Variants in KIAA0232 observed in about 807,000 individuals in gnomAD.
KIAA0232 encodes uncharacterized protein KIAA0232.
Under a neutral mutation model 122.0 loss-of-function variants are expected in KIAA0232, and 27 were observed. The ratio of observed to expected loss-of-function variants is 0.22; its 90% confidence interval spans 0.16 to 0.31. The LOEUF (loss-of-function observed/expected upper bound fraction) is 0.31. Among genes scored for constraint, KIAA0232 ranks in the 10% least tolerant of loss-of-function variants. The pLI, the probability that KIAA0232 is intolerant of heterozygous loss-of-function variation, is 1.00. For synonymous variants in KIAA0232, 613 were observed against 587.6 expected (o/e 1.04, Z -0.63); for missense variants, 1,551 against 1,634.2 (o/e 0.95, Z 0.88).
intron 1 of KIAA0232, among the ~76,000 whole-genome samples, chr4:6,797,686 A>C (rs1161430337): frequency 2.0e-5 from 3 of 150,242 alleles, no homozygotes; most frequent in Non-Finnish European, 4.4e-5. Context: ...GGATTGCTTG[A>C]GCCCAGGAAT....
chr4:6,790,392 C>CTTTTT (rs10532360), intron 1 of KIAA0232, among the ~76,000 whole-genome samples: 4 of 109,372 alleles, frequency 3.7e-5, no homozygotes, highest in Non-Finnish European at 5.8e-5. Flanking sequence ...TAAAAAAGGT[C>CTTTTT]TTTTTTTTTT....
intron 1 of KIAA0232, among the ~76,000 whole-genome samples, chr4:6,792,216 T>C (rs1282219580): frequency 6.6e-6 from 1 of 152,212 alleles, no homozygotes; most frequent in African/African-American, 2.4e-5. Context: ...ACCATGTTCT[T>C]TTTTTAATAT....
chr4:6,832,510 G>A (rs1341440843), intron 3 of KIAA0232, among the ~76,000 whole-genome samples: 1 of 151,838 alleles, frequency 6.6e-6, no homozygotes, highest in Non-Finnish European at 1.5e-5. Flanking sequence ...CACCACACCT[G>A]GCTAATTTTT....
intron 1 of KIAA0232, among the ~76,000 whole-genome samples, chr4:6,785,562 G>C (rs1403207260): frequency 6.6e-6 from 1 of 152,208 alleles, no homozygotes; most frequent in Non-Finnish European, 1.5e-5. Flanking sequence ...CTCGCCTAGT[G>C]TAAGTGTTAA....
At chr4:6,803,837 CAT>C (rs1717494160) in intron 1 of KIAA0232, among the ~76,000 whole-genome samples, 1 of 152,088 alleles carries the variant, frequency 6.6e-6, no homozygotes, top group South Asian at 2.1e-4. Flanking sequence ...TACCTTGTAA[CAT>C]AGTATTTGTG....
intron 7 of KIAA0232, among the ~76,000 whole-genome samples, chr4:6,867,489 T>C (rs1302309921): frequency 6.6e-6 from 1 of 152,234 alleles, no homozygotes; most frequent in African/African-American, 2.4e-5. Flanking sequence ...CCTTGGTATC[T>C]GGACATACAT....
chr4:6,816,048 A>C (rs1718107356), intron 2 of KIAA0232, among the ~76,000 whole-genome samples: 2 of 152,206 alleles, frequency 1.3e-5, no homozygotes, highest in Non-Finnish European at 2.9e-5. Flanking sequence ...CAGTCTTTAC[A>C]GTGAATCCAA....
chr4:6,824,832 C>T lies in KIAA0232; in HGVS notation c.231+148C>T, dbSNP rs547441797. 4.8e-5 allele frequency: 33 copies of T among 686,180 alleles called. No individual in the cohort carries two copies. In the African/African-American group the frequency reaches 5.9e-4, roughly 12 times the overall value. The allele number at this position is 686,180 out of a possible 1,614,324, so 42.5% of individuals were successfully genotyped here. A position where few individuals can be genotyped will look rare whatever the true frequency, so the allele number is the denominator to read the frequency against. ...TGTCAGTGACCAGATGGTAAGATTGCCTTGGAGTGTCAATCAGCCTGTGTC... is the reference window on the plus strand; with the variant it reads ...TGTCAGTGACCAGATGGTAAGATTGTCTTGGAGTGTCAATCAGCCTGTGTC... On this transcript the variant is annotated intron_variant, in intron 3 of 9. Transcript: ENST00000307659.
At chr4:6,873,317 A>G (rs1225665162) in intron 8 of KIAA0232, among the ~76,000 whole-genome samples, 1 of 152,210 alleles carries the variant, frequency 6.6e-6, no homozygotes, top group Non-Finnish European at 1.5e-5. Flanking sequence ...AGCTGCCTGC[A>G]CTTGGTACCA....
intron 7 of KIAA0232, among the ~76,000 whole-genome samples, chr4:6,868,079 G>C (rs903444006): frequency 9.2e-5 from 14 of 152,192 alleles, no homozygotes; most frequent in African/African-American, 3.4e-4. Context: ...AAGATTCCCA[G>C]AGTAAAACTA....
Position 6,863,175 on chromosome 4 carries a change from A to T in KIAA0232, c.2793A>T (p.Gly931=). The change falls in exon 7 of 10, where the codon GGA becomes GGT. Residue 931 remains glycine, a synonymous_variant. Transcript: ENST00000307659. Reference sequence around the variant, plus strand: ...ATAAAGAAAACACATTCATTCTTGGAGGAGTTTATGGAGAACTCAAAACCT... The same window carrying T: ...ATAAAGAAAACACATTCATTCTTGGTGGAGTTTATGGAGAACTCAAAACCT... ...AQDKENTFIL[G]GVYGELKTFN... 1.9e-6 allele frequency: 3 copies of T among 1,614,078 alleles called. No homozygotes were observed. Among genetic ancestry groups the T allele is most frequent in the Non-Finnish European group, 1.7e-6 (2 of 1,180,020 alleles).
intron 1 of KIAA0232, among the ~76,000 whole-genome samples, chr4:6,793,470 C>T (rs1020178086): frequency 2.0e-5 from 3 of 152,130 alleles, no homozygotes; most frequent in East Asian, 1.9e-4. Flanking sequence ...GAAGCTTTAG[C>T]GAAACAGCCT....
At chr4:6,785,260 C>G (rs187364725) in intron 1 of KIAA0232, among the ~76,000 whole-genome samples, 4 of 152,242 alleles carry the variant, frequency 2.6e-5, no homozygotes, top group Admixed American at 6.5e-5. Context: ...TTTAACACTT[C>G]CAGTGGTAAT....
At position 6,855,893 on chromosome 4, in the gene KIAA0232, A is replaced by T; in HGVS notation, c.370-1271A>T. The T allele has an allele frequency of 1.0e-6, 1 of 983,896 alleles. No individual in the cohort carries two copies. The highest frequency in any genetic ancestry group is 1.2e-6 in the Non-Finnish European group (1 of 828,546). 60.9% of individuals were successfully genotyped at this position (983,896 alleles called of 1,614,324 possible). A position where few individuals can be genotyped will look rare whatever the true frequency, so the allele number is the denominator to read the frequency against. ...TTGCCGTCCTTGTCACACCTTGAGC[A>T]TTATGGTAAGCAGGTGCTTTCTGGT... On this transcript the variant is annotated intron_variant, in intron 4 of 9. Transcript: ENST00000307659. This position sits in a 1 kb window ranked among gnomAD's most constrained non-coding sequence, Gnocchi z 4.3.
chr4:6,857,294 G>A, intron 5 of KIAA0232, 64 bp downstream of exon 5: 2 of 1,379,638 alleles, frequency 1.4e-6, no homozygotes, highest in South Asian at 1.3e-5. Flanking sequence ...CTGGATTGGG[G>A]AAAATCTTAG....
At chr4:6,783,612 G>T (rs1040473722) in intron 1 of KIAA0232, among the ~76,000 whole-genome samples, 23 of 151,484 alleles carry the variant, frequency 1.5e-4, no homozygotes, top group African/African-American at 5.3e-4. Context: ...AAACCGCCGG[G>T]CGGGGGAGGA....
intron 3 of KIAA0232, among the ~76,000 whole-genome samples, chr4:6,833,237 T>C (rs1436433898): frequency 2.0e-5 from 3 of 152,232 alleles, no homozygotes; most frequent in African/African-American, 4.8e-5. Context: ...CAACAGACTT[T>C]AATTAAATAA....
At chr4:6,858,333 T>C in intron 5 of KIAA0232, 92 bp from the exon 6 acceptor site, 1 of 711,628 alleles carries the variant, frequency 1.4e-6, no homozygotes, top group African/African-American at 1.9e-5. Flanking sequence ...AGTCTCTATT[T>C]CTTGTTAAAA....
At chr4:6,794,786 G>A (rs541431294) in intron 1 of KIAA0232, among the ~76,000 whole-genome samples, 4 of 152,312 alleles carry the variant, frequency 2.6e-5, no homozygotes, top group South Asian at 2.1e-4. Flanking sequence ...CCATCATAGC[G>A]TGGGGTTGCC....
Sources: gnomAD v4.1 joint callset for allele counts (sites outside exome capture counted in the v4.1 genomes callset) on GRCh38, gnomAD v4.1.1 for gene constraint, Gnocchi (gnomAD v3.1) non-coding constraint, MANE v1.5 for transcripts, NCBI Gene and HGNC (gene_info 2026-07-23, HGNC 2026-07-21) for gene names.